The following B3GALT1 variants were observed in gnomAD, a reference collection of about 807,000 sequenced individuals.
B3GALT1 encodes UDP-Gal:betaGlcNAc beta 1,3-galactosyltransferase, polypeptide 1.
A neutral mutation model predicts 23.2 loss-of-function variants in B3GALT1; 10 were observed. That is an observed-to-expected ratio of 0.43 (90% CI 0.27 to 0.73). The LOEUF (loss-of-function observed/expected upper bound fraction) is 0.73. B3GALT1 is among the 30% of genes least tolerant of loss of function. The probability of loss-of-function intolerance (pLI) is 0.21; values close to 1 mark genes in which losing one functional copy is unlikely to be tolerated. For missense variants in B3GALT1, 299 were observed against 405.4 expected, an observed-to-expected ratio of 0.74 and a Z score of 2.25; for synonymous variants, 156 against 141.5, an observed-to-expected ratio of 1.10 and a Z score of -0.73.
intron 2 of B3GALT1, among the ~76,000 whole-genome samples, chr2:167,562,906 C>A (rs1490827690): frequency 6.6e-6 from 1 of 152,020 alleles, no homozygotes; most frequent in Non-Finnish European, 1.5e-5. Flanking sequence ...CTTGCACCGC[C>A]CTTAATCCAT....
At chr2:167,350,602 T>G (rs2105254865) in intron 1 of B3GALT1, among the ~76,000 whole-genome samples, 1 of 152,278 alleles carries the variant, frequency 6.6e-6, no homozygotes, top group Admixed American at 6.5e-5. Flanking sequence ...GTATGAAAAC[T>G]TTTCTGGAAA....
At chr2:167,374,257 T>G (rs1483126368) in intron 1 of B3GALT1, among the ~76,000 whole-genome samples, 1 of 152,226 alleles carries the variant, frequency 6.6e-6, no homozygotes, top group Non-Finnish European at 1.5e-5. Context: ...CTTTATCCAG[T>G]CCACCACTGA....
At chr2:167,576,853 A>G (rs1684397662) in intron 2 of B3GALT1, among the ~76,000 whole-genome samples, 1 of 151,740 alleles carries the variant, frequency 6.6e-6, no homozygotes, top group African/African-American at 2.4e-5. Context: ...ACCCTGCCTT[A>G]TCTTCTTGCC....
rs76078675 is a variant in B3GALT1 at position 167,386,548 on chromosome 2, T to A, written c.-511+93214T>A. Among the ~76,000 whole-genome samples, 173 of 149,534 alleles carry A rather than the reference T, an allele frequency of 1.2e-3. 1 individual carries two copies. In the East Asian group the frequency reaches 0.018, roughly 16 times the overall value. On this transcript the variant is annotated intron_variant, in intron 1 of 4. Coordinates refer to ENST00000392690, the MANE Select transcript of B3GALT1 (RefSeq NM_020981.4). ...CCTGGGATATCACCAGGTATTGAAATTTTTTTTTTCTGAAAGTTTTTGAAG... is the reference window on the plus strand; with the variant it reads ...CCTGGGATATCACCAGGTATTGAAAATTTTTTTTTCTGAAAGTTTTTGAAG...
chr2:167,637,206 G>A (rs1277709576), intron 2 of B3GALT1, among the ~76,000 whole-genome samples: 8 of 151,930 alleles, frequency 5.3e-5, no homozygotes, highest in South Asian at 4.1e-4. Flanking sequence ...TGTGGTGCAC[G>A]TATGTGGTGC....
At chr2:167,563,204 C>T (rs1278509368) in intron 2 of B3GALT1, among the ~76,000 whole-genome samples, 1 of 150,886 alleles carries the variant, frequency 6.6e-6, no homozygotes, top group Non-Finnish European at 1.5e-5. Flanking sequence ...CAGAGGGGCT[C>T]CTCACCTCCC....
chr2:167,852,583 C>A (rs1210247887), intron 4 of B3GALT1, among the ~76,000 whole-genome samples: 2 of 151,032 alleles, frequency 1.3e-5, no homozygotes, highest in Non-Finnish European at 2.9e-5. Context: ...TATTTTTAAT[C>A]TAGAAACATA....
At chr2:167,406,448 A>C (rs1698277425) in intron 1 of B3GALT1, among the ~76,000 whole-genome samples, 1 of 152,110 alleles carries the variant, frequency 6.6e-6, no homozygotes, top group Non-Finnish European at 1.5e-5. Flanking sequence ...CTCCAAGCAG[A>C]TAGTAAAAGA....
chr2:167,720,296 CTT>C (rs1687211092), intron 3 of B3GALT1, among the ~76,000 whole-genome samples: 1 of 152,022 alleles, frequency 6.6e-6, no homozygotes, highest in Admixed American at 6.6e-5. Context: ...CTTATTTGGT[CTT>C]TGCTGGTAGA....
At chr2:167,789,576 T>C (rs1279925676) in intron 3 of B3GALT1, among the ~76,000 whole-genome samples, 1 of 152,116 alleles carries the variant, frequency 6.6e-6, no homozygotes, top group Non-Finnish European at 1.5e-5. Flanking sequence ...ACAATTATTA[T>C]TGAAAGGATG....
At chr2:167,454,515 G>T (rs2105321943) in intron 1 of B3GALT1, among the ~76,000 whole-genome samples, 1 of 152,286 alleles carries the variant, frequency 6.6e-6, no homozygotes, top group African/African-American at 2.4e-5. Flanking sequence ...AAAGTTTGGA[G>T]ACCAGTTTCT....
intron 3 of B3GALT1, among the ~76,000 whole-genome samples, chr2:167,716,367 A>T (rs529342536): frequency 2.6e-5 from 4 of 152,084 alleles, no homozygotes; most frequent in Non-Finnish European, 4.4e-5. Context: ...TTGAAGCTCT[A>T]TTTTTTGGTG....
intron 3 of B3GALT1, among the ~76,000 whole-genome samples, chr2:167,746,688 TA>T (rs1687657926): frequency 6.6e-6 from 1 of 152,196 alleles, no homozygotes; most frequent in Admixed American, 6.5e-5. Flanking sequence ...CACTTGTTTG[TA>T]AAAATTAGTA....
chr2:167,423,141 T>A lies in B3GALT1; in HGVS notation c.-510-67036T>A, dbSNP rs144342635. 3.5e-4 allele frequency among the ~76,000 whole-genome samples: 53 copies of A among 152,228 alleles called. 1 individual carries two copies. In the East Asian group the frequency reaches 0.01, roughly 29 times the overall value. ...AAGTAAGACCTGTCTGCTATTTACT[T>A]CTCCTTTGTCTCCCTACTCTAACCT... On this transcript the variant is annotated intron_variant, in intron 1 of 4. Transcript: ENST00000392690.
chr2:167,497,466 C>T (rs1029209531), intron 2 of B3GALT1, among the ~76,000 whole-genome samples: 1 of 152,076 alleles, frequency 6.6e-6, no homozygotes, highest in Admixed American at 6.6e-5. Context: ...GCAAGATGCT[C>T]AATTGTACCG....
intron 2 of B3GALT1, among the ~76,000 whole-genome samples, chr2:167,508,557 C>T (rs943970319): frequency 1.3e-5 from 2 of 152,058 alleles, no homozygotes; most frequent in Non-Finnish European, 1.5e-5. Flanking sequence ...TGCACCTGAC[C>T]CAGATGTTTC....
rs71031294 is a variant in B3GALT1 at position 167,520,044 on chromosome 2, C to CAA, written c.-410+29776_-410+29777dup. Among the ~76,000 whole-genome samples the CAA allele has an allele frequency of 3.0e-3, 423 of 142,818 alleles. 11 individuals are homozygous for CAA. In the East Asian group the frequency reaches 0.057, roughly 19 times the overall value. 93.7% of individuals were successfully genotyped at this position (142,818 alleles called of 152,430 possible). A position where few individuals can be genotyped will look rare whatever the true frequency, so the allele number is the denominator to read the frequency against. ...TAGGTGACAGAGTAAGACTCTATCTCAAAAAAAAAAGAAAAGAAAGAAAAA... is the reference window on the plus strand; with the variant it reads ...TAGGTGACAGAGTAAGACTCTATCTCAAAAAAAAAAAAGAAAAGAAAGAAAAA... On this transcript the variant is annotated intron_variant, in intron 2 of 4. Transcript: ENST00000392690.
intron 2 of B3GALT1, among the ~76,000 whole-genome samples, chr2:167,516,755 C>T (rs1332101571): frequency 2.6e-5 from 4 of 151,830 alleles, no homozygotes; most frequent in Non-Finnish European, 5.9e-5. Context: ...TTTATTTTTC[C>T]TATCATAGCC....
intron 3 of B3GALT1, among the ~76,000 whole-genome samples, chr2:167,647,840 G>A (rs966982622): frequency 6.6e-6 from 1 of 152,018 alleles, no homozygotes; most frequent in African/African-American, 2.4e-5. Flanking sequence ...TACATGAGAT[G>A]TTTTGATTCT....
Sources: allele counts gnomAD v4.1 joint callset (sites outside exome capture counted in the v4.1 genomes callset), GRCh38; gene constraint gnomAD v4.1.1; transcripts MANE v1.5; gene names NCBI Gene and HGNC (gene_info 2026-07-23, HGNC 2026-07-21).